Variants in SLC6A16 observed in about 807,000 individuals in gnomAD.
SLC6A16 encodes the protein orphan sodium- and chloride-dependent neurotransmitter transporter NTT5.
A neutral mutation model predicts 65.4 loss-of-function variants in SLC6A16; 54 were observed. The observed-to-expected ratio is 0.83, with a 90% CI of 0.66 to 1.04. The LOEUF is 1.04. Ranked by LOEUF, SLC6A16 falls within the 50% of genes least tolerant of loss-of-function variation. The probability of loss-of-function intolerance (pLI) is 0.00; values close to 1 mark genes in which losing one functional copy is unlikely to be tolerated. For synonymous variants in SLC6A16, 330 were observed against 346.5 expected (o/e 0.95, Z 0.53); for missense variants, 816 against 914.0 (o/e 0.89, Z 1.38).
chr19:49,325,249 C>G, upstream of SLC6A16: 1 of 985,524 alleles, frequency 1.0e-6, no homozygotes, highest in Non-Finnish European at 1.2e-6. Flanking sequence ...CGCCCCCTCA[C>G]TCTTTCCCTA....
intron 1 of SLC6A16, among the ~76,000 whole-genome samples, chr19:49,323,256 A>G (rs185964869): frequency 6.6e-6 from 1 of 152,310 alleles, no homozygotes; most frequent in Admixed American, 6.5e-5. Context: ...TAAAATTATA[A>G]AATTCTTAGA....
intron 1 of SLC6A16, chr19:49,312,652 G>A: frequency 1.2e-6 from 1 of 824,022 alleles, no homozygotes; most frequent in Non-Finnish European, 1.5e-6. Context: ...AGAGAGAGGG[G>A]AAACTGGAGT....
the SLC6A16 span, chr19:49,338,612 C>T: frequency 1.0e-6 from 1 of 958,552 alleles, no homozygotes; most frequent in African/African-American, 1.6e-5. The surrounding 1 kb of genome is among the most constrained non-coding windows in gnomAD (Gnocchi z 5.0). Flanking sequence ...TGCTCCCCGA[C>T]CTGACCTCAT....
intron 7 of SLC6A16, among the ~76,000 whole-genome samples, chr19:49,296,176 A>G (rs1478277405): frequency 6.6e-6 from 1 of 152,006 alleles, no homozygotes; most frequent in Non-Finnish European, 1.5e-5. Context: ...TAGTAGAGAC[A>G]GGGTTTCATC....
At chr19:49,301,085 C>T (rs550753499) in intron 7 of SLC6A16, among the ~76,000 whole-genome samples, 2 of 152,146 alleles carry the variant, frequency 1.3e-5, no homozygotes, top group African/African-American at 4.8e-5. Flanking sequence ...ATAAAAATTA[C>T]TCTGGAAGAA....
the SLC6A16 span, chr19:49,337,141 C>G: frequency 1.2e-6 from 2 of 1,614,142 alleles, no homozygotes; most frequent in South Asian, 2.2e-5. Flanking sequence ...CCACTCTGCT[C>G]CCCAGTATTT....
At chr19:49,318,123 C>T (rs1356584733) in intron 1 of SLC6A16, among the ~76,000 whole-genome samples, 1 of 152,024 alleles carries the variant, frequency 6.6e-6, no homozygotes, top group African/African-American at 2.4e-5. Context: ...GAGCCATTAG[C>T]TAAATATCAA....
At chr19:49,297,716 G>GAA (rs1970211275) in intron 7 of SLC6A16, among the ~76,000 whole-genome samples, 1 of 152,132 alleles carries the variant, frequency 6.6e-6, no homozygotes, top group Non-Finnish European at 1.5e-5. Context: ...AATGGATGAA[G>GAA]AAATTGTGGT....
the SLC6A16 span, chr19:49,338,560 C>T: frequency 1.5e-6 from 1 of 679,314 alleles, no homozygotes; most frequent in Non-Finnish European, 2.6e-6. This position sits in a 1 kb window ranked among gnomAD's most constrained non-coding sequence, Gnocchi z 5.0. Flanking sequence ...CATCGTGACC[C>T]CAGCCCACTG....
chr19:49,338,852 G>C, the SLC6A16 span: 4 of 1,614,026 alleles, frequency 2.5e-6, no homozygotes, highest in Admixed American at 6.7e-5. The surrounding 1 kb of genome is among the most constrained non-coding windows in gnomAD (Gnocchi z 5.0). Context: ...TCTTGCCCCA[G>C]CTCAGCAGGC....
intron 7 of SLC6A16, among the ~76,000 whole-genome samples, chr19:49,295,753 T>C (rs1970173599): frequency 6.6e-6 from 1 of 152,076 alleles, no homozygotes; most frequent in South Asian, 2.1e-4. Flanking sequence ...ACTTTTCAGA[T>C]ACAAAAGGGG....
chr19:49,325,496 C>T (rs528013869), upstream of SLC6A16, among the ~76,000 whole-genome samples: 1 of 152,332 alleles, frequency 6.6e-6, no homozygotes, highest in African/African-American at 2.4e-5. Flanking sequence ...GTGGGAGAAT[C>T]GTCTCATTCA....
At chr19:49,337,478 C>A in the SLC6A16 span, 14 of 612,034 alleles carry the variant, frequency 2.3e-5, no homozygotes, top group Non-Finnish European at 3.5e-5. Flanking sequence ...AAAAAAAATC[C>A]GGGTGTGATG....
At position 49,290,315 on chromosome 19, in the gene SLC6A16, G is replaced by C; in HGVS notation, c.2019C>G (p.Pro673=). The C allele has an allele frequency of 6.2e-7, 1 of 1,614,076 alleles. No individual in the cohort carries two copies. Among genetic ancestry groups the C allele is most frequent in the Non-Finnish European group, 8.5e-7 (1 of 1,180,008 alleles). Residue 673 remains proline (P), a synonymous_variant, in exon 12 of 12, where the codon CCC becomes CCG. Transcript: ENST00000335875. ...MITLFAIVIL[P]IPAYFVYCRI... is the part of the protein sequence containing the mutation. ...GGCAGTATACAAAGTATGCAGGGAT[G>C]GGGAGGATGACAATGGCAAAAAGGG...
intron 7 of SLC6A16, 77 bp from the exon 8 acceptor site, chr19:49,294,630 TA>T (rs3214611): frequency 0.5 from 640,998 of 1,286,608 alleles, 163,087 homozygotes; most frequent in Admixed American, 0.6. Context: ...ATCTTCAAGA[TA>T]AAAAAGGCTA....
At chr19:49,299,757 T>C (rs1970252504) in intron 7 of SLC6A16, among the ~76,000 whole-genome samples, 1 of 151,950 alleles carries the variant, frequency 6.6e-6, no homozygotes, top group South Asian at 2.1e-4. Context: ...GCATGGTGGC[T>C]CACGCCTGTA....
At position 49,293,930 on chromosome 19, in the gene SLC6A16, C is replaced by G. The variant is rs368968956; in HGVS notation, c.1515G>C (p.Leu505Phe). The change falls in exon 9 of 12, where the codon TTG becomes TTC. Residue 505 changes from leucine (L) to phenylalanine (F), a missense_variant. Physicochemically the swap from Leu to Phe is conservative, Grantham distance 22. Coordinates refer to ENST00000335875, the MANE Select transcript of SLC6A16 (RefSeq NM_014037.3). Reference protein sequence around the residue: ...VFWSFIFFLMLLAMGLSSAIG... With the variant: ...VFWSFIFFLMFLAMGLSSAIG... ...TTGCGCTGCTCAGCCCCATGGCCAG[C>G]AACATCAGGAAGAAGATAAAAGACC... The G allele has an allele frequency of 2.7e-5, 43 of 1,613,782 alleles. No individual in the cohort carries two copies. Among genetic ancestry groups the G allele is most frequent in the Non-Finnish European group, 3.6e-5 (42 of 1,180,000 alleles).
chr19:49,296,736 C>T (rs756443170), intron 7 of SLC6A16, among the ~76,000 whole-genome samples: 5 of 152,166 alleles, frequency 3.3e-5, no homozygotes, highest in Non-Finnish European at 7.4e-5. Context: ...TGCCTGTAAT[C>T]CCAGCACTTT....
chr19:49,332,264 G>A, the SLC6A16 span: 1 of 456,690 alleles, frequency 2.2e-6, no homozygotes, highest in East Asian at 7.0e-5. Flanking sequence ...TTTCTTAGAA[G>A]GACACTTGTC....
Sources: allele counts gnomAD v4.1 joint callset (sites outside exome capture counted in the v4.1 genomes callset), GRCh38; gene constraint gnomAD v4.1.1; non-coding constraint Gnocchi (gnomAD v3.1); transcripts MANE v1.5; gene names NCBI Gene and HGNC (gene_info 2026-07-23, HGNC 2026-07-21).